The following ADGB variants were observed in gnomAD, a reference collection of about 807,000 sequenced individuals.
The protein encoded by ADGB is calpain-7-like protein.
Under a neutral mutation model 210.5 loss-of-function variants are expected in ADGB, and 172 were observed. That is an observed-to-expected ratio of 0.82 (90% CI 0.72 to 0.93). The LOEUF is 0.93. ADGB is among the 40% of genes least tolerant of loss of function. ADGB has a pLI of 0.00. For synonymous variants in ADGB, 658 were observed against 662.7 expected, an observed-to-expected ratio of 0.99 and a Z score of 0.11; for missense variants, 2,025 against 1,964.8, an observed-to-expected ratio of 1.03 and a Z score of -0.58.
In ADGB at chr6:146,795,603, T is replaced by C. The variant is rs1002002780; in HGVS notation, c.4538-5580T>C. Among the ~76,000 whole-genome samples, 3 of 152,114 alleles carry C rather than the reference T, an allele frequency of 2.0e-5. 1 individual carries two copies. The South Asian group carries it at 6.2e-4, about 31-fold the overall frequency. On this transcript the variant is annotated intron_variant, in intron 33 of 35. Transcript: ENST00000397944. ...AATATAAATCAAAACCACAATGAGA[T>C]ACCATCTCACACCAGCCAGAATGGC...
intron 26 of ADGB, among the ~76,000 whole-genome samples, chr6:146,751,332 A>G (rs1265581135): frequency 6.6e-6 from 1 of 152,104 alleles, no homozygotes; most frequent in Non-Finnish European, 1.5e-5. Context: ...ATGGCTGCAT[A>G]GTATTCCATG....
intron 1 of ADGB, among the ~76,000 whole-genome samples, chr6:146,607,871 T>C (rs967830482): frequency 6.6e-5 from 10 of 152,040 alleles, no homozygotes. Context: ...ATTTTTTACA[T>C]TGTGTCTCTA....
chr6:146,672,848 A>C (rs1480407522), intron 8 of ADGB, among the ~76,000 whole-genome samples: 2 of 151,100 alleles, frequency 1.3e-5, no homozygotes, highest in African/African-American at 4.9e-5. Flanking sequence ...CGCCTGCCTC[A>C]GCCTCCCAAG....
At chr6:146,804,039 C>T (rs1287947125) in intron 35 of ADGB, among the ~76,000 whole-genome samples, 1 of 152,178 alleles carries the variant, frequency 6.6e-6, no homozygotes, top group East Asian at 1.9e-4. Flanking sequence ...CAGATCACCA[C>T]TTCAACTTTT....
At chr6:146,691,429 T>TATATATAAAA (rs1776309726) in intron 11 of ADGB, 139 bp downstream of exon 11, 2 of 29,398 alleles carry the variant, frequency 6.8e-5, no homozygotes, top group East Asian at 9.0e-4. Flanking sequence ...TATATATATA[T>TATATATAAAA]ATATATATAT....
chr6:146,811,990 C>T (rs985029559), intron 35 of ADGB, among the ~76,000 whole-genome samples: 2 of 152,098 alleles, frequency 1.3e-5, no homozygotes, highest in African/African-American at 4.8e-5. Flanking sequence ...GTTTTTTAAA[C>T]TATTACTCTT....
chr6:146,792,844 T>C (rs1335251752), intron 33 of ADGB, among the ~76,000 whole-genome samples: 1 of 152,194 alleles, frequency 6.6e-6, no homozygotes, highest in Non-Finnish European at 1.5e-5. Flanking sequence ...ATTATCATTT[T>C]AATGTTTGCA....
At chr6:146,604,570 A>C (rs1020872714) in intron 1 of ADGB, among the ~76,000 whole-genome samples, 1 of 149,160 alleles carries the variant, frequency 6.7e-6, no homozygotes, top group African/African-American at 2.4e-5. Flanking sequence ...AAAAATGACA[A>C]AAAAAAAAAG....
At chr6:146,608,494 T>G (rs1449069627) in intron 1 of ADGB, among the ~76,000 whole-genome samples, 1 of 152,152 alleles carries the variant, frequency 6.6e-6, no homozygotes, top group African/African-American at 2.4e-5. Flanking sequence ...CGTCTAACTT[T>G]TTGATGTGGG....
rs1257256197 is a variant in ADGB at position 146,676,331 on chromosome 6, A to G, written c.1106A>G (p.Asp369Gly). ...KVPKEKADAR[D>G]IGKKRSKDGE... ...ATGTTAGAGAAAGCAGATGCAAGAG[A>G]CATTGGAAAGAAGAGAAGCAAAGAT... The change falls in exon 9 of 36, where the codon GAC becomes GGC. Residue 369 changes from aspartate to glycine, a missense_variant. Transcript: ENST00000397944. 2 of 1,548,666 alleles carry G rather than the reference A, an allele frequency of 1.3e-6. No individual in the cohort carries two copies. Among genetic ancestry groups the G allele is most frequent in the East Asian group, 2.5e-5 (1 of 40,808 alleles).
intron 29 of ADGB, among the ~76,000 whole-genome samples, chr6:146,777,682 G>A (rs1777739836): frequency 2.0e-5 from 3 of 152,206 alleles, no homozygotes; most frequent in Admixed American, 1.3e-4. Flanking sequence ...TCTTGTGAGG[G>A]TACCTTCAGC....
intron 1 of ADGB, among the ~76,000 whole-genome samples, chr6:146,619,655 A>T (rs1489246276): frequency 6.6e-6 from 1 of 152,224 alleles, no homozygotes; most frequent in African/African-American, 2.4e-5. Flanking sequence ...GCAACAACAA[A>T]AATTCTCAAC....
intron 1 of ADGB, among the ~76,000 whole-genome samples, chr6:146,619,651 A>G (rs1780860931): frequency 1.3e-5 from 2 of 152,096 alleles, no homozygotes; most frequent in African/African-American, 4.8e-5. Flanking sequence ...GAAAGCAACA[A>G]CAAAAATTCT....
chr6:146,754,663 C>A (rs968197072), intron 27 of ADGB, among the ~76,000 whole-genome samples: 2 of 151,720 alleles, frequency 1.3e-5, no homozygotes, highest in Non-Finnish European at 2.9e-5. Flanking sequence ...TTTAGAATTT[C>A]TAAATAATAA....
At chr6:146,686,456 T>C (rs1583589743) in intron 10 of ADGB, among the ~76,000 whole-genome samples, 2 of 152,122 alleles carry the variant, frequency 1.3e-5, no homozygotes, top group East Asian at 3.8e-4. Flanking sequence ...TCTGTGTTTG[T>C]ATGTGTATAC....
intron 21 of ADGB, among the ~76,000 whole-genome samples, 161 bp from the exon 22 acceptor site, chr6:146,733,732 A>C (rs1480784213): frequency 6.6e-6 from 1 of 152,220 alleles, no homozygotes; most frequent in Non-Finnish European, 1.5e-5. Context: ...GAATATTTAC[A>C]TTCTAACAAG....
rs575856903 is a variant in ADGB, at chr6:146,747,825, C to G, written c.3365+1716C>G. ...ACAGAGTCTCACTCTGTCACCCAGG[C>G]TGTATGTAGTACAGCGGCACGATCT... is the stretch of plus-strand genomic sequence containing the variant. On this transcript the variant is annotated intron_variant, in intron 26 of 35. Transcript: ENST00000397944. Among the ~76,000 whole-genome samples the G allele has an allele frequency of 2.0e-5, 3 of 148,200 alleles. No homozygotes were observed. In the South Asian group the frequency reaches 6.4e-4, roughly 32 times the overall value.
chr6:146,689,117 G>A (rs574635901), intron 10 of ADGB, among the ~76,000 whole-genome samples: 16 of 152,110 alleles, frequency 1.1e-4, no homozygotes, highest in Non-Finnish European at 1.6e-4. Flanking sequence ...TAGAATGTTT[G>A]AAATGAGCTG....
chr6:146,760,655 A>ACTAATT (rs1297998980), intron 27 of ADGB, among the ~76,000 whole-genome samples: 1 of 151,942 alleles, frequency 6.6e-6, no homozygotes, highest in Non-Finnish European at 1.5e-5. Flanking sequence ...TGTTTGACAT[A>ACTAATT]TGTATACATT....
Sources: gnomAD v4.1 joint callset for allele counts (sites outside exome capture counted in the v4.1 genomes callset) on GRCh38, gnomAD v4.1.1 for gene constraint, MANE v1.5 for transcripts, NCBI Gene and HGNC (gene_info 2026-07-23, HGNC 2026-07-21) for gene names.